The following SLIT3 variants were observed in gnomAD, a reference collection of about 807,000 sequenced individuals.
The protein encoded by SLIT3 is slit guidance ligand 3.
A neutral mutation model predicts 184.0 loss-of-function variants in SLIT3; 68 were observed. That is an observed-to-expected ratio of 0.37 (90% CI 0.30 to 0.45). The LOEUF is 0.45. SLIT3 is among the 20% of genes least tolerant of loss of function. SLIT3 has a pLI of 1.00. For missense variants in SLIT3, 1,707 were observed against 2,026.0 expected, an observed-to-expected ratio of 0.84 and a Z score of 3.02; for synonymous variants, 831 against 828.6, an observed-to-expected ratio of 1.00 and a Z score of -0.05.
chr5:169,071,500 G>A (rs184156115), intron 4 of SLIT3, among the ~76,000 whole-genome samples: 3 of 152,302 alleles, frequency 2.0e-5, no homozygotes, highest in East Asian at 1.9e-4. Flanking sequence ...GGCACCCAGA[G>A]CGATAAATGA....
chr5:169,010,345 C>T (rs1023852243), intron 4 of SLIT3, among the ~76,000 whole-genome samples: 4 of 152,078 alleles, frequency 2.6e-5, no homozygotes, highest in African/African-American at 7.2e-5. Context: ...GCCCAAGTCC[C>T]TAGAACTATG....
intron 4 of SLIT3, among the ~76,000 whole-genome samples, chr5:169,102,911 C>G (rs910984437): frequency 4.6e-5 from 7 of 152,234 alleles, no homozygotes; most frequent in African/African-American, 1.2e-4. Context: ...CAAGTCACCT[C>G]TCTTCTAAAT....
intron 4 of SLIT3, chr5:169,012,146 G>A (rs968056755): frequency 1.3e-5 from 2 of 152,158 alleles, no homozygotes; most frequent in South Asian, 4.1e-4. Flanking sequence ...GGGAGATGAG[G>A]ATTTTGATGA....
At chr5:169,011,556 C>A (rs1386532151) in intron 4 of SLIT3, among the ~76,000 whole-genome samples, 1 of 152,050 alleles carries the variant, frequency 6.6e-6, no homozygotes, top group Non-Finnish European at 1.5e-5. Context: ...TATCAGAGGT[C>A]CCTTGTAGAC....
intron 4 of SLIT3, among the ~76,000 whole-genome samples, chr5:168,955,893 C>T (rs916633579): frequency 3.9e-5 from 6 of 152,150 alleles, no homozygotes; most frequent in Admixed American, 6.5e-5. Context: ...TTAGGAGCTA[C>T]GACTTCAGGC....
chr5:168,819,690 G>T (rs1455042562), intron 7 of SLIT3, among the ~76,000 whole-genome samples: 1 of 152,198 alleles, frequency 6.6e-6, no homozygotes, highest in East Asian at 1.9e-4. Context: ...TCCTTACTGA[G>T]CTGATTAATT....
intron 20 of SLIT3, among the ~76,000 whole-genome samples, chr5:168,734,152 C>T (rs1763366492): frequency 6.6e-6 from 1 of 152,184 alleles, no homozygotes; most frequent in African/African-American, 2.4e-5. Flanking sequence ...ATGTAAGAAA[C>T]CTGTACTTGT....
At chr5:168,856,589 G>A (rs1581150063) in intron 5 of SLIT3, among the ~76,000 whole-genome samples, 1 of 152,084 alleles carries the variant, frequency 6.6e-6, no homozygotes, top group East Asian at 1.9e-4. Context: ...GAATGAGGAC[G>A]GTAAACTTGA....
At chr5:168,735,036 G>A (rs1763389577) in intron 20 of SLIT3, among the ~76,000 whole-genome samples, 1 of 152,160 alleles carries the variant, frequency 6.6e-6, no homozygotes, top group African/African-American at 2.4e-5. Flanking sequence ...TGAAAACTCT[G>A]AACTCCAAAG....
At chr5:169,281,803 A>G (rs1767004627) in intron 1 of SLIT3, among the ~76,000 whole-genome samples, 1 of 152,208 alleles carries the variant, frequency 6.6e-6, no homozygotes, top group Admixed American at 6.5e-5. Context: ...GCACACAATT[A>G]TGTTGCTTTA....
At chr5:168,937,198 G>A (rs1226635910) in intron 4 of SLIT3, among the ~76,000 whole-genome samples, 1 of 152,130 alleles carries the variant, frequency 6.6e-6, no homozygotes, top group Non-Finnish European at 1.5e-5. Flanking sequence ...TGCACCCAGA[G>A]CACAGAGGCC....
At chr5:168,673,373 G>T in intron 32 of SLIT3, 42 bp from the exon 33 acceptor site, 1 of 1,601,644 alleles carries the variant, frequency 6.2e-7, no homozygotes, top group Non-Finnish European at 8.5e-7. Context: ...AGTTCACTAA[G>T]GGCCTTCCAT....
intron 4 of SLIT3, among the ~76,000 whole-genome samples, chr5:169,000,392 C>CAAAAAAAAAAAAAAAAAAAAAAAAAAAA (rs34002967): frequency 2.4e-5 from 1 of 42,316 alleles, no homozygotes. Flanking sequence ...AACTCCATCT[C>CAAAAAAAAAAAAAAAAAAAAAAAAAAAA]AAAAAAAAAA....
intron 4 of SLIT3, among the ~76,000 whole-genome samples, chr5:168,986,305 G>C (rs1755126961): frequency 6.6e-6 from 1 of 152,118 alleles, no homozygotes. Flanking sequence ...ACCCACTTGA[G>C]ATCGGTCAGT....
Position 169,195,438 on chromosome 5 carries a change from C to T in SLIT3, c.342-1888G>A, listed in dbSNP as rs1055332682. ...AAGCACTGGGCAGGGAAGCCATCCA[C>T]GAGACTCCTGATGAGGAGGAGGCAA... is the stretch of plus-strand genomic sequence containing the variant. On this transcript the variant is annotated intron_variant, in intron 3 of 35. Transcript: ENST00000519560. 2.6e-5 allele frequency among the ~76,000 whole-genome samples: 4 copies of T among 152,336 alleles called. No homozygotes were observed. In the South Asian group the frequency reaches 6.2e-4, roughly 24 times the overall value.
At position 168,762,818 on chromosome 5, in the gene SLIT3, C is replaced by T. The variant is rs945101911; in HGVS notation, c.1460-129G>A. 8.8e-6 allele frequency: 8 copies of T among 910,118 alleles called. No homozygotes were observed. The African/African-American group carries it at 1.1e-4, about 13-fold the overall frequency. 56.4% of individuals were successfully genotyped at this position (910,118 alleles called of 1,614,324 possible). Reference sequence around the variant, plus strand: ...GGGCTGTTAGGGGTCAAGTAACAGACACGGCATCGCCTTTGCTATATGGCC... The same window carrying T: ...GGGCTGTTAGGGGTCAAGTAACAGATACGGCATCGCCTTTGCTATATGGCC... On this transcript the variant is annotated intron_variant, in intron 14 of 35. Coordinates refer to ENST00000519560, the MANE Select transcript of SLIT3 (RefSeq NM_003062.4).
chr5:169,173,075 A>C (rs1004464327), intron 4 of SLIT3, among the ~76,000 whole-genome samples: 3 of 152,208 alleles, frequency 2.0e-5, no homozygotes, highest in Non-Finnish European at 4.4e-5. Flanking sequence ...CAGGCTGACT[A>C]ACATGATGAA....
chr5:168,983,196 C>T (rs1426102106), intron 4 of SLIT3, among the ~76,000 whole-genome samples: 2 of 152,324 alleles, frequency 1.3e-5, no homozygotes, highest in Non-Finnish European at 2.9e-5. Context: ...CTGATATCTA[C>T]TGGCTCCAGA....
chr5:168,686,669 G>T (rs1393656200), intron 30 of SLIT3, among the ~76,000 whole-genome samples: 2 of 152,208 alleles, frequency 1.3e-5, no homozygotes, highest in Non-Finnish European at 2.9e-5. Flanking sequence ...CAAGATGGTG[G>T]CATCTTCCAT....
Sources: gnomAD v4.1 joint callset for allele counts (sites outside exome capture counted in the v4.1 genomes callset) on GRCh38, gnomAD v4.1.1 for gene constraint, MANE v1.5 for transcripts, NCBI Gene and HGNC (gene_info 2026-07-23, HGNC 2026-07-21) for gene names.